Variants in ERC2 observed in about 807,000 individuals in gnomAD.
ERC2 encodes ERC protein 2.
Under a neutral mutation model 114.8 loss-of-function variants are expected in ERC2, and 42 were observed. The ratio of observed to expected loss-of-function variants is 0.37; its 90% CI spans 0.29 to 0.47. The LOEUF is 0.47. Among genes scored for constraint, ERC2 ranks in the 20% least tolerant of loss-of-function variants. The pLI is 0.99. For synonymous variants in ERC2, 454 were observed against 425.5 expected, an observed-to-expected ratio of 1.07 and a Z score of -0.82; for missense variants, 939 against 1,150.7, an observed-to-expected ratio of 0.82 and a Z score of 2.66.
At chr3:55,623,241 G>A (rs1016345442) in intron 17 of ERC2, among the ~76,000 whole-genome samples, 8 of 152,178 alleles carry the variant, frequency 5.3e-5, no homozygotes, top group Non-Finnish European at 1.5e-5. Context: ...GAGGATTACT[G>A]TAAAGACTGA....
At chr3:56,203,564 C>T (rs1575810560) in intron 3 of ERC2, among the ~76,000 whole-genome samples, 1 of 152,190 alleles carries the variant, frequency 6.6e-6, no homozygotes, top group Middle Eastern at 3.4e-3. Context: ...TAAAATGTTC[C>T]AGGTATGAGG....
chr3:55,583,437 T>C lies in ERC2; in HGVS notation c.*40-72161A>G, dbSNP rs868076189. 1.5e-3 allele frequency among the ~76,000 whole-genome samples: 156 copies of C among 106,308 alleles called. 2 individuals carry two copies. The highest frequency in any genetic ancestry group is 5.5e-3 in the African/African-American group (132 of 24,010). The allele number at this position is 106,308 out of a possible 152,430, so 69.7% of individuals were successfully genotyped here. ...TTCCTTCCTTCCTTCCTTCCTTCCT[T>C]CCTTCCTCCCTCCCTCCTTCCCCTC... On this transcript the variant is annotated intron_variant, in intron 17 of 17. Transcript: ENST00000288221.
chr3:55,617,503 G>A (rs2059169893), intron 17 of ERC2, among the ~76,000 whole-genome samples: 1 of 152,142 alleles, frequency 6.6e-6, no homozygotes, highest in Non-Finnish European at 1.5e-5. Flanking sequence ...CCGGCCAGCA[G>A]GATCAGAATG....
intron 12 of ERC2, among the ~76,000 whole-genome samples, chr3:55,965,113 C>T (rs2068655184): frequency 6.6e-6 from 1 of 152,172 alleles, no homozygotes. Flanking sequence ...CATATTCTAT[C>T]AGCTAGATGC....
intron 3 of ERC2, among the ~76,000 whole-genome samples, chr3:56,177,469 T>C (rs1314296431): frequency 6.6e-6 from 1 of 152,234 alleles, no homozygotes; most frequent in Non-Finnish European, 1.5e-5. Flanking sequence ...GACAGTGTTA[T>C]TAAATCATGA....
At chr3:55,823,317 T>A (rs1278242060) in intron 14 of ERC2, among the ~76,000 whole-genome samples, 1 of 152,186 alleles carries the variant, frequency 6.6e-6, no homozygotes, top group Non-Finnish European at 1.5e-5. Context: ...AAAATCCCAA[T>A]ATCCTCCCAG....
chr3:56,099,090 T>C (rs2149800296), intron 6 of ERC2, among the ~76,000 whole-genome samples: 1 of 152,232 alleles, frequency 6.6e-6, no homozygotes, highest in East Asian at 1.9e-4. Context: ...TGAGTGTCCT[T>C]ATAAAAGACA....
intron 17 of ERC2, among the ~76,000 whole-genome samples, chr3:55,663,313 A>G (rs2061217795): frequency 6.6e-6 from 1 of 152,238 alleles, no homozygotes; most frequent in Non-Finnish European, 1.5e-5. Flanking sequence ...AGCAGCCAGT[A>G]GAGGAGAAAG....
At chr3:56,199,845 A>T (rs1018197481) in intron 3 of ERC2, among the ~76,000 whole-genome samples, 12 of 152,068 alleles carry the variant, frequency 7.9e-5, no homozygotes, top group African/African-American at 2.9e-4. Context: ...TCTGGCTGCC[A>T]TGTGGAGAAT....
intron 3 of ERC2, among the ~76,000 whole-genome samples, chr3:56,194,938 A>T (rs1160339648): frequency 1.3e-5 from 2 of 152,198 alleles, no homozygotes; most frequent in East Asian, 3.8e-4. Context: ...CACTTATCCA[A>T]GGAGAATATA....
chr3:56,087,787 G>T (rs1476741581), intron 6 of ERC2, among the ~76,000 whole-genome samples: 1 of 152,076 alleles, frequency 6.6e-6, no homozygotes, highest in African/African-American at 2.4e-5. Context: ...AGCTTCATTT[G>T]TTTGTTTTTC....
intron 10 of ERC2, among the ~76,000 whole-genome samples, chr3:55,994,939 A>G (rs568974000): frequency 1.3e-5 from 2 of 152,340 alleles, no homozygotes; most frequent in South Asian, 4.1e-4. Flanking sequence ...TGCTGAAGTT[A>G]GGTCATGTCA....
intron 3 of ERC2, among the ~76,000 whole-genome samples, chr3:56,257,855 T>C (rs546705665): frequency 6.6e-6 from 1 of 152,238 alleles, no homozygotes; most frequent in African/African-American, 2.4e-5. Context: ...AAAATTCTCA[T>C]CAAGGATTTT....
At chr3:56,013,745 G>A (rs750739316) in intron 8 of ERC2, among the ~76,000 whole-genome samples, 46 of 152,154 alleles carry the variant, frequency 3.0e-4, no homozygotes, top group Non-Finnish European at 5.9e-4. Flanking sequence ...TTCTCAAAGT[G>A]TAGCCTTCTG....
intron 17 of ERC2, among the ~76,000 whole-genome samples, chr3:55,613,964 C>G (rs2059014152): frequency 9.3e-6 from 1 of 108,026 alleles, no homozygotes; most frequent in African/African-American, 3.7e-5. Context: ...GCCTGGGAGA[C>G]AGAGTGAGAC....
At chr3:56,431,362 C>T (rs944075277) in intron 2 of ERC2, among the ~76,000 whole-genome samples, 1 of 152,196 alleles carries the variant, frequency 6.6e-6, no homozygotes, top group African/African-American at 2.4e-5. Flanking sequence ...AATTATGTCA[C>T]TTTCAGTTCA....
intron 14 of ERC2, among the ~76,000 whole-genome samples, chr3:55,842,648 G>T (rs1191638647): frequency 1.3e-5 from 2 of 151,586 alleles, no homozygotes; most frequent in African/African-American, 4.9e-5. Context: ...TTTATCAAGG[G>T]TCTGTAGACT....
chr3:56,101,922 T>C (rs2078381128), intron 6 of ERC2, among the ~76,000 whole-genome samples: 1 of 152,310 alleles, frequency 6.6e-6, no homozygotes, highest in South Asian at 2.1e-4. Flanking sequence ...AGCTTTTCCC[T>C]CATCCTCTGC....
chr3:56,373,535 T>C (rs912673207), intron 2 of ERC2, among the ~76,000 whole-genome samples: 23 of 152,152 alleles, frequency 1.5e-4, no homozygotes, highest in African/African-American at 5.5e-4. Context: ...CTTCTTGGCT[T>C]TCCCATCTCA....
Sources: allele counts gnomAD v4.1 joint callset (sites outside exome capture counted in the v4.1 genomes callset), GRCh38; gene constraint gnomAD v4.1.1; transcripts MANE v1.5; gene names NCBI Gene and HGNC (gene_info 2026-07-23, HGNC 2026-07-21).